The following NRG1 variants were observed in gnomAD, a reference collection of about 807,000 sequenced individuals.
NRG1 encodes the protein pro-neuregulin-1, membrane-bound isoform.
NRG1 carries 18 observed loss-of-function variants against 63.8 expected under a neutral mutation model. The ratio of observed to expected loss-of-function variants is 0.28; its 90% confidence interval spans 0.19 to 0.42. The LOEUF (loss-of-function observed/expected upper bound fraction) is 0.42. Among genes scored for constraint, NRG1 ranks in the 10% least tolerant of loss-of-function variants. NRG1 has a pLI of 1.00. For missense variants in NRG1, 762 were observed against 814.7 expected, an observed-to-expected ratio of 0.94 and a Z score of 0.79; for synonymous variants, 302 against 301.3, an observed-to-expected ratio of 1.00 and a Z score of -0.02.
At chr8:31,674,094 G>A (rs1053611463) in intron 1 of NRG1, among the ~76,000 whole-genome samples, 1 of 152,094 alleles carries the variant, frequency 6.6e-6, no homozygotes, top group African/African-American at 2.4e-5. Flanking sequence ...AGTTATTGAG[G>A]TTCATTCATG....
At chr8:31,942,022 A>G (rs191617758) in intron 1 of NRG1, among the ~76,000 whole-genome samples, 15 of 152,304 alleles carry the variant, frequency 9.8e-5, no homozygotes, top group African/African-American at 3.6e-4. Context: ...CACTCTTCAC[A>G]TAACTAGACA....
At chr8:31,877,072 A>G (rs1339130003) in intron 1 of NRG1, among the ~76,000 whole-genome samples, 1 of 152,174 alleles carries the variant, frequency 6.6e-6, no homozygotes, top group Non-Finnish European at 1.5e-5. Context: ...AGATCTGAGA[A>G]TAATTGTGAA....
At chr8:31,658,447 G>T (rs1010444401) in intron 1 of NRG1, among the ~76,000 whole-genome samples, 1 of 152,092 alleles carries the variant, frequency 6.6e-6, no homozygotes, top group African/African-American at 2.4e-5. Flanking sequence ...GAGCACTTAG[G>T]CAGTGGTAAG....
chr8:32,347,740 A>G (rs182162494), intron 1 of NRG1, among the ~76,000 whole-genome samples: 59 of 152,346 alleles, frequency 3.9e-4, no homozygotes, highest in Non-Finnish European at 7.2e-4. Context: ...TGCATTAAAT[A>G]AATCGAGAAG....
At chr8:31,712,709 T>C (rs921256990) in intron 1 of NRG1, among the ~76,000 whole-genome samples, 2 of 152,212 alleles carry the variant, frequency 1.3e-5, no homozygotes, top group Non-Finnish European at 2.9e-5. Context: ...TTTTTTTTCT[T>C]ATAGTAACCG....
At chr8:32,407,294 T>TA (rs1483154129) in intron 1 of NRG1, among the ~76,000 whole-genome samples, 146 of 3,616 alleles carry the variant, frequency 0.04, 1 homozygote, top group South Asian at 0.14. Context: ...TATATATATA[T>TA]TATATATATA....
intron 1 of NRG1, among the ~76,000 whole-genome samples, chr8:32,434,998 T>A (rs73252738): frequency 0.031 from 4,772 of 152,202 alleles, 98 homozygotes; most frequent in Middle Eastern, 0.058. Context: ...GGAACCAACA[T>A]CCCATGGATA....
At chr8:32,594,081 T>A (rs1375784103) in intron 1 of NRG1, among the ~76,000 whole-genome samples, 2 of 152,158 alleles carry the variant, frequency 1.3e-5, no homozygotes, top group African/African-American at 4.8e-5. Context: ...TGAAATTTAT[T>A]GGAAACTTCG....
At chr8:32,592,612 A>G (rs1045088907) in intron 1 of NRG1, among the ~76,000 whole-genome samples, 22 of 152,180 alleles carry the variant, frequency 1.4e-4, no homozygotes, top group Non-Finnish European at 2.9e-4. Context: ...GGAAGGAGAG[A>G]CGAGCTAGAG....
At chr8:32,645,261 G>A (rs1379391631) in intron 5 of NRG1, among the ~76,000 whole-genome samples, 4 of 152,148 alleles carry the variant, frequency 2.6e-5, no homozygotes, top group Non-Finnish European at 5.9e-5. Flanking sequence ...TTGTAAGAGA[G>A]GTCTCACTGC....
chr8:31,936,727 G>T (rs1010580340), intron 1 of NRG1, among the ~76,000 whole-genome samples: 2 of 152,132 alleles, frequency 1.3e-5, no homozygotes, highest in African/African-American at 4.8e-5. Flanking sequence ...TATTTTCGTG[G>T]TGTTCATCAC....
intron 5 of NRG1, among the ~76,000 whole-genome samples, chr8:32,623,121 C>T (rs532354937): frequency 1.3e-5 from 2 of 152,268 alleles, no homozygotes; most frequent in East Asian, 3.9e-4. Context: ...CCTAAAAAAG[C>T]TAGCTGAAGG....
chr8:31,914,558 C>T (rs536732500), intron 1 of NRG1, among the ~76,000 whole-genome samples: 4 of 152,084 alleles, frequency 2.6e-5, no homozygotes, highest in African/African-American at 7.2e-5. Flanking sequence ...TTTAATCCAT[C>T]GTAGATCTGC....
intron 1 of NRG1, among the ~76,000 whole-genome samples, chr8:32,288,089 A>G (rs1296334251): frequency 6.6e-6 from 1 of 152,180 alleles, no homozygotes; most frequent in Non-Finnish European, 1.5e-5. Flanking sequence ...TTTTCAATCA[A>G]CGTGGGTAGA....
intron 5 of NRG1, among the ~76,000 whole-genome samples, chr8:32,692,760 G>A (rs1440403164): frequency 1.3e-5 from 2 of 152,148 alleles, no homozygotes; most frequent in African/African-American, 4.8e-5. Context: ...TGGCACTTCT[G>A]AAGGAAATCT....
At chr8:32,545,942 C>T (rs2129522102), upstream of NRG1, among the ~76,000 whole-genome samples, 3 of 152,224 alleles carry the variant, frequency 2.0e-5, no homozygotes, top group Middle Eastern at 6.8e-3. Flanking sequence ...TTTTCCCCTC[C>T]ATCACATCAA....
chr8:32,380,215 A>T (rs1049031099), intron 1 of NRG1, among the ~76,000 whole-genome samples: 1 of 152,034 alleles, frequency 6.6e-6, no homozygotes, highest in African/African-American at 2.4e-5. Flanking sequence ...TTTTAATAAT[A>T]TATTTTGTCA....
At chr8:32,183,076 A>G (rs945633224) in intron 1 of NRG1, among the ~76,000 whole-genome samples, 4 of 152,172 alleles carry the variant, frequency 2.6e-5, no homozygotes, top group African/African-American at 9.6e-5. Context: ...TTCTCATTTT[A>G]AAAGGGGAAG....
intron 1 of NRG1, among the ~76,000 whole-genome samples, chr8:32,276,786 C>T (rs1410761351): frequency 1.3e-5 from 2 of 152,132 alleles, no homozygotes; most frequent in South Asian, 2.1e-4. Context: ...TCTGGCTGCT[C>T]TGTGAAAATA....
Sources: allele counts gnomAD v4.1 joint callset (sites outside exome capture counted in the v4.1 genomes callset), GRCh38; gene constraint gnomAD v4.1.1; transcripts MANE v1.5; gene names NCBI Gene and HGNC (gene_info 2026-07-23, HGNC 2026-07-21).